Variants in STEAP4 observed in about 807,000 individuals in gnomAD.
STEAP4 encodes the protein metalloreductase STEAP4.
A neutral mutation model predicts 43.6 loss-of-function variants in STEAP4; 36 were observed. That is an observed-to-expected ratio of 0.83 (90% CI 0.63 to 1.09). The LOEUF is 1.09. STEAP4 is among the 50% of genes least tolerant of loss of function. STEAP4 has a pLI of 0.00. For synonymous variants in STEAP4, 191 were observed against 196.7 expected (o/e 0.97, Z 0.24); for missense variants, 495 against 546.5 (o/e 0.91, Z 0.94).
chr7:88,290,041 TTC>T (rs2115985276), intron 1 of STEAP4, among the ~76,000 whole-genome samples: 1 of 152,350 alleles, frequency 6.6e-6, no homozygotes, highest in South Asian at 2.1e-4. Context: ...AATATTTTTA[TTC>T]TCTCTTTCAT....
intron 1 of STEAP4, among the ~76,000 whole-genome samples, chr7:88,306,404 C>A (rs1853132947): frequency 6.6e-6 from 1 of 152,196 alleles, no homozygotes; most frequent in African/African-American, 2.4e-5. Context: ...ATTTTTAGTG[C>A]CTGGTCAAGA....
intron 1 of STEAP4, among the ~76,000 whole-genome samples, chr7:88,288,374 T>C (rs747253426): frequency 2.6e-5 from 4 of 152,148 alleles, no homozygotes; most frequent in Non-Finnish European, 4.4e-5. Context: ...TTCTCCATGT[T>C]GGTCAGGCTG....
chr7:88,282,945 T>C lies in STEAP4; in HGVS notation c.680A>G (p.Tyr227Cys), dbSNP rs1391530886. ...TGTATTATCTTTCTTTTCATAAACA[T>C]AAGGGTAGATTACGTCTCTTATAAC... ...YCVIRDVIYP[Y>C]VYEKKDNTFR... Residue 227 changes from tyrosine (Y) to cysteine (C), a missense_variant, in exon 3 of 5, where the codon TAT becomes TGT. Tyr to Cys is a radical substitution (Grantham distance 194, BLOSUM62 -2). Coordinates refer to ENST00000380079, the MANE Select transcript of STEAP4 (RefSeq NM_024636.4). The C allele has an allele frequency of 6.2e-7, 1 of 1,613,866 alleles. No individual in the cohort carries two copies. The highest frequency in any genetic ancestry group is 2.2e-5 in the East Asian group (1 of 44,880).
chr7:88,293,220 T>G (rs535811038), intron 1 of STEAP4, among the ~76,000 whole-genome samples: 3 of 152,344 alleles, frequency 2.0e-5, no homozygotes, highest in Admixed American at 1.3e-4. Flanking sequence ...ATGTTGCATA[T>G]CTCTTAATGT....
chr7:88,297,893 C>G (rs529838299), intron 1 of STEAP4, among the ~76,000 whole-genome samples: 1 of 152,082 alleles, frequency 6.6e-6, no homozygotes, highest in Non-Finnish European at 1.5e-5. Context: ...TTTAGCTTGG[C>G]CAAGCCTACC....
At chr7:88,289,985 A>T (rs1852809593) in intron 1 of STEAP4, among the ~76,000 whole-genome samples, 1 of 152,196 alleles carries the variant, frequency 6.6e-6, no homozygotes, top group South Asian at 2.1e-4. Flanking sequence ...GTCACAAAAG[A>T]ATGTGTGACT....
intron 1 of STEAP4, among the ~76,000 whole-genome samples, chr7:88,296,321 C>T (rs1253950349): frequency 6.6e-6 from 1 of 152,274 alleles, no homozygotes; most frequent in Non-Finnish European, 1.5e-5. Context: ...ATTCCTCAGA[C>T]ATTATCCCCT....
chr7:88,293,284 G>A (rs1852868766), intron 1 of STEAP4, among the ~76,000 whole-genome samples: 1 of 151,906 alleles, frequency 6.6e-6, no homozygotes. Context: ...CATGTATTTT[G>A]CTTATTTTCT....
intron 1 of STEAP4, among the ~76,000 whole-genome samples, chr7:88,288,100 T>C (rs1852766643): frequency 6.6e-6 from 1 of 152,182 alleles, no homozygotes; most frequent in Admixed American, 6.5e-5. Flanking sequence ...AAGAGTTACC[T>C]GAAAGAAAAA....
In STEAP4 at chr7:88,284,145, C is replaced by G. The variant is rs1852682192; in HGVS notation, c.125G>C (p.Gly42Ala). The G allele has an allele frequency of 1.5e-5, 24 of 1,614,120 alleles. No individual in the cohort carries two copies. The highest frequency in any genetic ancestry group is 1.9e-5 in the Non-Finnish European group (22 of 1,180,024). ...TCGACTTCCAAAAACAACAGAATAA[C>G]CACACTGGAGCATTTTCAATCCCAG... ...RSLGLKMLQCGYSVVFGSRNP... is the reference protein window; with the variant it reads ...RSLGLKMLQCAYSVVFGSRNP... The change falls in exon 2 of 5, where the codon GGT becomes GCT. Residue 42 changes from glycine to alanine, a missense_variant. Transcript: ENST00000380079.
At chr7:88,283,666 G>T in intron 2 of STEAP4, 148 bp downstream of exon 2, 3 of 887,966 alleles carry the variant, frequency 3.4e-6, no homozygotes, top group Non-Finnish European at 5.0e-6. Context: ...ATTTGGTCAA[G>T]CTCAAGAAAA....
At chr7:88,295,107 A>T (rs1205522204) in intron 1 of STEAP4, among the ~76,000 whole-genome samples, 1 of 152,212 alleles carries the variant, frequency 6.6e-6, no homozygotes, top group Non-Finnish European at 1.5e-5. Context: ...AGTTTCAATC[A>T]TCACAACATA....
At chr7:88,283,590 C>T in intron 2 of STEAP4, 1 of 589,922 alleles carries the variant, frequency 1.7e-6, no homozygotes, top group Non-Finnish European at 3.0e-6. Flanking sequence ...AGGCTGACAC[C>T]ATGGGGTTCC....
At chr7:88,280,259 T>C (rs1168492203) in intron 4 of STEAP4, among the ~76,000 whole-genome samples, 1 of 152,242 alleles carries the variant, frequency 6.6e-6, no homozygotes, top group Non-Finnish European at 1.5e-5. Flanking sequence ...TTTTCTATTA[T>C]ACTCATAATA....
intron 1 of STEAP4, 28 bp from the exon 2 acceptor site, chr7:88,284,299 C>T (rs1014678518): frequency 6.9e-7 from 1 of 1,458,592 alleles, no homozygotes; most frequent in Non-Finnish European, 9.2e-7. Context: ...AAATGCCCAA[C>T]AAAATATAAA....
intron 1 of STEAP4, among the ~76,000 whole-genome samples, chr7:88,296,488 G>T (rs954569784): frequency 6.6e-6 from 1 of 152,050 alleles, no homozygotes; most frequent in Admixed American, 6.6e-5. Flanking sequence ...TTTTTTTAAA[G>T]TCCTTCCTTC....
chr7:88,291,973 C>A (rs1563501253), intron 1 of STEAP4, among the ~76,000 whole-genome samples: 1 of 152,124 alleles, frequency 6.6e-6, no homozygotes, highest in Non-Finnish European at 1.5e-5. Context: ...GTAAAGTGAT[C>A]TCACAAGGGT....
In STEAP4 at chr7:88,282,930, T is replaced by C. The variant is rs1852650176; in HGVS notation, c.695A>G (p.Lys232Arg). 4 of 1,614,152 alleles carry C rather than the reference T, an allele frequency of 2.5e-6. No individual in the cohort carries two copies. Among genetic ancestry groups the C allele is most frequent in the Non-Finnish European group, 3.4e-6 (4 of 1,180,004 alleles). ...DVIYPYVYEK[K>R]DNTFRMAISI... is the part of the protein sequence containing the mutation. Reference sequence around the variant, plus strand: ...AATAGCCATACGAAATGTATTATCTTTCTTTTCATAAACATAAGGGTAGAT... The same window carrying C: ...AATAGCCATACGAAATGTATTATCTCTCTTTTCATAAACATAAGGGTAGAT... Residue 232 changes from lysine to arginine, a missense_variant, in exon 3 of 5, where the codon AAA (lysine) becomes AGA (arginine). Lys to Arg is a conservative substitution (Grantham distance 26). Coordinates refer to ENST00000380079, the MANE Select transcript of STEAP4 (RefSeq NM_024636.4).
In STEAP4 at chr7:88,276,679, C is replaced by T. The variant is rs767311851; in HGVS notation, c.*2719G>A. Reference sequence around the variant, plus strand: ...ACTCATTCTTTCTACCTTAAGTAAACTGGAGGAGTCAGCTGTGTTAATATG... The same window carrying T: ...ACTCATTCTTTCTACCTTAAGTAAATTGGAGGAGTCAGCTGTGTTAATATG... On this transcript the variant is annotated 3_prime_UTR_variant, in exon 5 of 5. Coordinates refer to ENST00000380079, the MANE Select transcript of STEAP4 (RefSeq NM_024636.4). The T allele has an allele frequency of 1.3e-5, 2 of 152,930 alleles. No homozygotes were observed. The highest frequency in any genetic ancestry group is 4.8e-5 in the African/African-American group (2 of 41,530). 9.5% of individuals were successfully genotyped at this position (152,930 alleles called of 1,614,324 possible).
Sources: gnomAD v4.1 joint callset for allele counts (sites outside exome capture counted in the v4.1 genomes callset) on GRCh38, gnomAD v4.1.1 for gene constraint, MANE v1.5 for transcripts, NCBI Gene and HGNC (gene_info 2026-07-23, HGNC 2026-07-21) for gene names.